Variants in ADAM12 observed in about 807,000 individuals in gnomAD.
The protein encoded by ADAM12 is ADAM metallopeptidase domain 12, also known as disintegrin and metalloproteinase domain-containing protein 12.
Under a neutral mutation model 106.4 loss-of-function variants are expected in ADAM12, and 70 were observed. The observed-to-expected ratio is 0.66, with a 90% CI of 0.54 to 0.80. The LOEUF (loss-of-function observed/expected upper bound fraction) is 0.80. Ranked by LOEUF, ADAM12 falls within the 30% of genes least tolerant of loss-of-function variation. ADAM12 has a pLI of 0.00. For synonymous variants in ADAM12, 420 were observed against 433.5 expected (o/e 0.97, Z 0.39); for missense variants, 1,010 against 1,171.9 (o/e 0.86, Z 2.02).
chr10:126,037,264 G>T (rs1954076628), intron 20 of ADAM12, among the ~76,000 whole-genome samples: 1 of 145,864 alleles, frequency 6.9e-6, no homozygotes, highest in Admixed American at 6.8e-5. Flanking sequence ...CTAGTTTGGG[G>T]CTCTCAAAAA....
intron 2 of ADAM12, among the ~76,000 whole-genome samples, chr10:126,290,751 T>C (rs923013980): frequency 1.5e-4 from 23 of 152,232 alleles, no homozygotes; most frequent in African/African-American, 5.3e-4. Context: ...GGCCTATTTA[T>C]GAGCCAGGCA....
intron 3 of ADAM12, among the ~76,000 whole-genome samples, chr10:126,215,025 C>A (rs1046856281): frequency 1.3e-5 from 2 of 152,198 alleles, no homozygotes; most frequent in Non-Finnish European, 2.9e-5. Flanking sequence ...TCCCATGGCA[C>A]CTGGTCCAAG....
At chr10:126,263,159 C>A (rs780939245) in intron 3 of ADAM12, among the ~76,000 whole-genome samples, 2 of 152,170 alleles carry the variant, frequency 1.3e-5, no homozygotes, top group Non-Finnish European at 2.9e-5. Context: ...CATGATTCCT[C>A]ATCTAGTGTT....
At chr10:126,149,539 AGT>A (rs1383908808) in intron 4 of ADAM12, among the ~76,000 whole-genome samples, 2 of 152,164 alleles carry the variant, frequency 1.3e-5, no homozygotes, top group African/African-American at 2.4e-5. Context: ...TTAACATTTG[AGT>A]CAGTGGACTG....
intron 11 of ADAM12, among the ~76,000 whole-genome samples, chr10:126,089,778 C>A (rs1955427897): frequency 2.6e-5 from 4 of 151,940 alleles, no homozygotes; most frequent in South Asian, 2.1e-4. Flanking sequence ...GGCCCATGGT[C>A]CCCTGCACCT....
At chr10:126,346,077 T>A (rs999348610) in intron 1 of ADAM12, among the ~76,000 whole-genome samples, 6 of 152,208 alleles carry the variant, frequency 3.9e-5, no homozygotes, top group Admixed American at 1.3e-4. Context: ...TTGAATTTGT[T>A]TGCTCTTGCT....
intron 3 of ADAM12, 118 bp from the exon 4 acceptor site, chr10:126,155,423 A>G (rs1956797658): frequency 1.1e-6 from 1 of 882,240 alleles, no homozygotes; most frequent in South Asian, 1.8e-5. Context: ...TTTTTAACAG[A>G]TAATCCAAGG....
chr10:126,018,251 C>T (rs1042899157), intron 22 of ADAM12, among the ~76,000 whole-genome samples: 23 of 152,236 alleles, frequency 1.5e-4, no homozygotes, highest in African/African-American at 5.5e-4. Flanking sequence ...GCTCACAAAG[C>T]AGGCTTCCTG....
Position 126,066,801 on chromosome 10 carries a change from A to G in ADAM12, c.1329T>C (p.Cys443=). The change falls in exon 13 of 23, where the codon TGT becomes TGC. Residue 443 remains cysteine, a synonymous_variant. Coordinates refer to ENST00000448723, the MANE Select transcript of ADAM12 (RefSeq NM_001288973.2). This position sits in a 1 kb window ranked among gnomAD's most constrained non-coding sequence, Gnocchi z 5.1. The part of the protein sequence containing the change: ...EECDCGEPEE[C]MNRCCNATTC... The stretch of plus-strand genomic sequence containing the variant: ...TGGTGGCATTGCAGCAGCGATTCAT[A>G]CATTCCTGGAAAGGGGAATGGCATT... The G allele has an allele frequency of 6.2e-7, 1 of 1,613,928 alleles. No homozygotes were observed. The highest frequency in any genetic ancestry group is 8.5e-7 in the Non-Finnish European group (1 of 1,179,804).
At position 126,013,305 on chromosome 10, in the gene ADAM12, A is replaced by C. The variant is rs1050930583; in HGVS notation, c.*3974T>G. 6.6e-6 allele frequency: 1 copy of C among 152,262 alleles called. No individual in the cohort carries two copies. The highest frequency in any genetic ancestry group is 1.5e-5 in the Non-Finnish European group (1 of 68,056). 9.4% of individuals were successfully genotyped at this position (152,262 alleles called of 1,614,324 possible). A position where few individuals can be genotyped will look rare whatever the true frequency, so the allele number is the denominator to read the frequency against. On this transcript the variant is annotated 3_prime_UTR_variant, in exon 23 of 23. Transcript: ENST00000448723. This position sits in a 1 kb window ranked among gnomAD's most constrained non-coding sequence, Gnocchi z 4.3. ...AAATGGTTCTCAGCATGGGGCTCCC[A>C]AACTTTCTTAGAGTGTCATTTGTTT...
chr10:126,312,529 G>A (rs868366), intron 2 of ADAM12, among the ~76,000 whole-genome samples: 7,149 of 152,224 alleles, frequency 0.047, 223 homozygotes, highest in Middle Eastern at 0.071. Flanking sequence ...TATGGATGCC[G>A]TGTGGTCAGT....
In ADAM12 at chr10:126,152,008, GTTTTTTT is replaced by G. The variant is rs59527849; in HGVS notation, c.339+3212_339+3218del. The stretch of plus-strand genomic sequence containing the variant: ...TGGTTTAATTCATCTTCCCTCTTGA[GTTTTTTT>G]TTTTTTTTTTTGGTCTTCCTTTTCA... On this transcript the variant is annotated intron_variant, in intron 4 of 22. Coordinates refer to ENST00000448723, the MANE Select transcript of ADAM12 (RefSeq NM_001288973.2). Among the ~76,000 whole-genome samples the G allele has an allele frequency of 9.0e-3, 1,200 of 133,136 alleles. 11 individuals are homozygous for G. Among genetic ancestry groups the G allele is most frequent in the African/African-American group, 0.031 (1,141 of 36,702 alleles). 87.3% of individuals were successfully genotyped at this position (133,136 alleles called of 152,430 possible).
At chr10:126,359,674 C>T (rs1855673264) in intron 1 of ADAM12, among the ~76,000 whole-genome samples, 1 of 152,206 alleles carries the variant, frequency 6.6e-6, no homozygotes, top group Admixed American at 6.5e-5. Context: ...AGCCTCCCTC[C>T]TGGCTACTTT....
At chr10:126,287,697 C>G (rs2133772025) in intron 2 of ADAM12, among the ~76,000 whole-genome samples, 1 of 152,108 alleles carries the variant, frequency 6.6e-6, no homozygotes, top group African/African-American at 2.4e-5. Flanking sequence ...TCCCTGGGCC[C>G]TTTGTGTGGC....
intron 4 of ADAM12, among the ~76,000 whole-genome samples, chr10:126,144,116 T>C (rs1956580167): frequency 6.6e-6 from 1 of 152,218 alleles, no homozygotes; most frequent in African/African-American, 2.4e-5. Flanking sequence ...GAAATCATTT[T>C]GCTGTGCTAG....
chr10:126,243,712 C>T (rs556040678), intron 3 of ADAM12, among the ~76,000 whole-genome samples: 1 of 152,264 alleles, frequency 6.6e-6, no homozygotes, highest in East Asian at 1.9e-4. Flanking sequence ...GCATACCCTG[C>T]TTTGTAGGTG....
At chr10:126,285,049 G>T (rs575700306) in intron 2 of ADAM12, among the ~76,000 whole-genome samples, 1 of 152,254 alleles carries the variant, frequency 6.6e-6, no homozygotes, top group Non-Finnish European at 1.5e-5. Flanking sequence ...GAGAATACAG[G>T]CTGGAGGTGA....
intron 8 of ADAM12, among the ~76,000 whole-genome samples, chr10:126,101,522 A>G (rs758476977): frequency 1.3e-5 from 2 of 152,220 alleles, no homozygotes; most frequent in Non-Finnish European, 2.9e-5. Context: ...TACATTTCAA[A>G]TGACTCACTG....
chr10:126,368,919 G>A (rs1856013139), intron 1 of ADAM12, among the ~76,000 whole-genome samples: 1 of 152,046 alleles, frequency 6.6e-6, no homozygotes, highest in African/African-American at 2.4e-5. Context: ...ACATTTCTCA[G>A]GGAGATAAGA....
Sources: allele counts gnomAD v4.1 joint callset (sites outside exome capture counted in the v4.1 genomes callset), GRCh38; gene constraint gnomAD v4.1.1; non-coding constraint Gnocchi (gnomAD v3.1); transcripts MANE v1.5; gene names NCBI Gene and HGNC (gene_info 2026-07-23, HGNC 2026-07-21).